GPR137C: variants seen among roughly 807,000 people sequenced by gnomAD.
The protein encoded by GPR137C is integral membrane protein GPR137C.
GPR137C carries 27 observed loss-of-function variants against 43.4 expected under a neutral mutation model. The observed-to-expected ratio is 0.62, with a 90% CI of 0.46 to 0.86. GPR137C has a LOEUF of 0.86. Ranked by LOEUF, GPR137C falls within the 40% of genes least tolerant of loss-of-function variation. GPR137C has a pLI of 0.00. For missense variants in GPR137C, 522 were observed against 534.6 expected (o/e 0.98, Z 0.23); for synonymous variants, 285 against 226.9 (o/e 1.26, Z -2.30).
intron 3 of GPR137C, among the ~76,000 whole-genome samples, chr14:52,628,555 G>A (rs904293867): frequency 5.9e-5 from 9 of 152,180 alleles, no homozygotes; most frequent in Non-Finnish European, 1.2e-4. Context: ...CAGCACTTTG[G>A]GAGGCCAAGG....
At chr14:52,629,301 CA>C (rs1228663502) in intron 3 of GPR137C, among the ~76,000 whole-genome samples, 1 of 152,116 alleles carries the variant, frequency 6.6e-6, no homozygotes, top group Non-Finnish European at 1.5e-5. Flanking sequence ...AACATATCCA[CA>C]AAACTATTTG....
rs2038295810 is a variant in GPR137C at position 52,562,188 on chromosome 14, A to G, written c.444+8597A>G. On this transcript the variant is annotated intron_variant, in intron 1 of 6. Coordinates refer to ENST00000321662, the MANE Select transcript of GPR137C (RefSeq NM_001099652.2). ...ATAGAAAAAACAAAGCAGGGAAGAAATGTACAACATGCAGCTCCATCATTT... is the reference window on the plus strand; with the variant it reads ...ATAGAAAAAACAAAGCAGGGAAGAAGTGTACAACATGCAGCTCCATCATTT... Among the ~76,000 whole-genome samples the G allele has an allele frequency of 2.0e-5, 3 of 152,298 alleles. No individual in the cohort carries two copies. The South Asian group carries it at 6.2e-4, about 32-fold the overall frequency.
At chr14:52,625,557 TTTTTTTTTTTTTTTTG>T (rs1300436778) in intron 3 of GPR137C, among the ~76,000 whole-genome samples, 48 of 66,224 alleles carry the variant, frequency 7.2e-4, no homozygotes, top group East Asian at 1.5e-3. Context: ...TTTTTTTTTT[TTTTTTTTTTTTTTTTG>T]AGACGGAGTC....
chr14:52,560,755 A>G (rs1411840532), intron 1 of GPR137C, among the ~76,000 whole-genome samples: 1 of 152,238 alleles, frequency 6.6e-6, no homozygotes, highest in African/African-American at 2.4e-5. Context: ...TGTACTTGAC[A>G]TAGATCATAG....
At chr14:52,557,778 A>T (rs745895793) in intron 1 of GPR137C, among the ~76,000 whole-genome samples, 34 of 152,218 alleles carry the variant, frequency 2.2e-4, no homozygotes, top group Non-Finnish European at 3.4e-4. Context: ...TAAATGGCTA[A>T]TATGTATCAG....
chr14:52,570,812 A>G (rs1465092113), intron 1 of GPR137C, among the ~76,000 whole-genome samples: 1 of 152,230 alleles, frequency 6.6e-6, no homozygotes, highest in Non-Finnish European at 1.5e-5. Flanking sequence ...ATATGCACCC[A>G]ATACAGGAAC....
chr14:52,627,687 T>C (rs143717501), intron 3 of GPR137C, among the ~76,000 whole-genome samples: 1 of 151,792 alleles, frequency 6.6e-6, no homozygotes, highest in East Asian at 1.9e-4. Flanking sequence ...CTACTAAAAA[T>C]ACAAAAATTA....
At chr14:52,573,068 A>G (rs1375245983) in intron 1 of GPR137C, among the ~76,000 whole-genome samples, 1 of 152,220 alleles carries the variant, frequency 6.6e-6, no homozygotes, top group Non-Finnish European at 1.5e-5. Context: ...TCAAGGAAAT[A>G]AGAGAGGATG....
chr14:52,606,899 TTC>T (rs1305274048), intron 3 of GPR137C, among the ~76,000 whole-genome samples: 1 of 152,202 alleles, frequency 6.6e-6, no homozygotes, highest in Non-Finnish European at 1.5e-5. Flanking sequence ...TTATTTGTCT[TTC>T]TATTTTTTTG....
chr14:52,579,515 C>G (rs570554427), intron 1 of GPR137C, among the ~76,000 whole-genome samples: 1 of 152,222 alleles, frequency 6.6e-6, no homozygotes, highest in Non-Finnish European at 1.5e-5. Context: ...CTTCTCACTA[C>G]TAGCTTGGGA....
chr14:52,568,093 A>G (rs950367337), intron 1 of GPR137C, among the ~76,000 whole-genome samples: 1 of 152,036 alleles, frequency 6.6e-6, no homozygotes, highest in Admixed American at 6.5e-5. Flanking sequence ...TGCATTTCCA[A>G]CTGAGGTACC....
intron 1 of GPR137C, among the ~76,000 whole-genome samples, chr14:52,577,516 GCACACACACACACA>G (rs3064748): frequency 6.9e-6 from 1 of 145,408 alleles, no homozygotes; most frequent in Non-Finnish European, 1.5e-5. Context: ...GCGCGCGCGC[GCACACACACACACA>G]CACACACACA....
chr14:52,564,779 G>A lies in GPR137C; in HGVS notation c.444+11188G>A, dbSNP rs540324548. Among the ~76,000 whole-genome samples, 24 of 152,244 alleles carry A rather than the reference G, an allele frequency of 1.6e-4. No homozygotes were observed. In the South Asian group the frequency reaches 5.0e-3, roughly 32 times the overall value. ...ATTGGTACCTAATTTAACATCTGAT[G>A]TGTATTAGGTGTTCAGTAAATATTG... On this transcript the variant is annotated intron_variant, in intron 1 of 6. Coordinates refer to ENST00000321662, the MANE Select transcript of GPR137C (RefSeq NM_001099652.2).
intron 1 of GPR137C, among the ~76,000 whole-genome samples, chr14:52,587,941 A>T (rs1170501023): frequency 6.6e-6 from 1 of 152,226 alleles, no homozygotes; most frequent in African/African-American, 2.4e-5. Context: ...TTTTTAAAAG[A>T]AGTTCCTCCA....
At chr14:52,631,953 C>CAA (rs35962083) in intron 3 of GPR137C, among the ~76,000 whole-genome samples, 9 of 128,988 alleles carry the variant, frequency 7.0e-5, no homozygotes, top group African/African-American at 1.2e-4. Context: ...GGCAAGTTGG[C>CAA]AAAAAAAAAA....
intron 3 of GPR137C, among the ~76,000 whole-genome samples, chr14:52,622,679 A>G (rs1343499725): frequency 1.3e-5 from 2 of 152,018 alleles, no homozygotes; most frequent in East Asian, 3.8e-4. Flanking sequence ...TGTTCTATGA[A>G]AAAAAGTGGT....
At chr14:52,591,052 A>G (rs2038776813) in intron 1 of GPR137C, among the ~76,000 whole-genome samples, 1 of 137,872 alleles carries the variant, frequency 7.3e-6, no homozygotes, top group Admixed American at 8.1e-5. Context: ...TCATTGTTCA[A>G]CTCCCACCTA....
chr14:52,597,265 T>C (rs571983150), intron 1 of GPR137C, among the ~76,000 whole-genome samples: 17 of 152,348 alleles, frequency 1.1e-4, no homozygotes, highest in African/African-American at 3.6e-4. Context: ...TCACAATGTA[T>C]CAAAATAGAT....
In GPR137C at chr14:52,553,180, T is replaced by A; in HGVS notation, c.33T>A (p.Ala11=). The A allele has an allele frequency of 1.7e-6, 2 of 1,192,570 alleles. No individual in the cohort carries two copies. Among genetic ancestry groups the A allele is most frequent in the Non-Finnish European group, 2.1e-6 (2 of 964,470 alleles). 73.9% of individuals were successfully genotyped at this position (1,192,570 alleles called of 1,614,324 possible). A position where few individuals can be genotyped will look rare whatever the true frequency, so the allele number is the denominator to read the frequency against. The change falls in exon 1 of 7, where the codon GCT becomes GCA. Residue 11 remains alanine, a synonymous_variant. Transcript: ENST00000321662. ...TGTCCGTGCCGGGTCCGGCGGCCGC[T>A]GCCGCCCCCGCAGCCGGCCGCGAGC... is the stretch of plus-strand genomic sequence containing the variant. The part of the protein sequence containing the change: MRVSVPGPAA[A]AAPAAGREPS...
Sources: allele counts gnomAD v4.1 joint callset (sites outside exome capture counted in the v4.1 genomes callset), GRCh38; gene constraint gnomAD v4.1.1; transcripts MANE v1.5; gene names NCBI Gene and HGNC (gene_info 2026-07-23, HGNC 2026-07-21).